FAM120B: variants seen among roughly 807,000 people sequenced by gnomAD.
The protein encoded by FAM120B is family with sequence similarity 120 member B.
In FAM120B, 83 loss-of-function variants were observed where a neutral mutation model predicts 96.3. The ratio of observed to expected loss-of-function variants is 0.86; its 90% confidence interval spans 0.72 to 1.03. FAM120B has a LOEUF of 1.03. Ranked by LOEUF, FAM120B falls within the 50% of genes least tolerant of loss-of-function variation. The pLI, the probability that FAM120B is intolerant of heterozygous loss-of-function variation, is 0.00. For missense variants in FAM120B, 1,027 were observed against 1,121.2 expected (o/e 0.92, Z 1.20); for synonymous variants, 407 against 402.7 (o/e 1.01, Z -0.13).
intron 6 of FAM120B, among the ~76,000 whole-genome samples, chr6:170,373,382 A>C (rs1789311111): frequency 6.6e-6 from 1 of 152,194 alleles, no homozygotes; most frequent in Admixed American, 6.5e-5. Context: ...ACCCTCTGTC[A>C]CGCTGACTTG....
intron 1 of FAM120B, among the ~76,000 whole-genome samples, chr6:170,299,399 G>C (rs1440968519): frequency 6.6e-6 from 1 of 152,190 alleles, no homozygotes; most frequent in Non-Finnish European, 1.5e-5. Flanking sequence ...TGCGCAATGT[G>C]TGTCTTCTCT....
At chr6:170,348,684 A>G (rs1787376777) in intron 5 of FAM120B, among the ~76,000 whole-genome samples, 1 of 152,164 alleles carries the variant, frequency 6.6e-6, no homozygotes, top group African/African-American at 2.4e-5. Context: ...GTTTTAGTGT[A>G]AAGGTGAGAA....
intron 6 of FAM120B, among the ~76,000 whole-genome samples, chr6:170,382,924 A>G (rs1789995683): frequency 6.6e-6 from 1 of 152,232 alleles, no homozygotes; most frequent in African/African-American, 2.4e-5. Flanking sequence ...TAATCAAGAC[A>G]GTATAGTGTT....
chr6:170,366,105 T>G (rs1375129031), intron 6 of FAM120B, among the ~76,000 whole-genome samples: 2 of 152,152 alleles, frequency 1.3e-5, no homozygotes, highest in African/African-American at 4.8e-5. Context: ...ATTCTGTCAT[T>G]CAGTGGCATG....
chr6:170,357,510 G>C (rs1411378990), intron 5 of FAM120B, among the ~76,000 whole-genome samples: 1 of 152,178 alleles, frequency 6.6e-6, no homozygotes, highest in African/African-American at 2.4e-5. Context: ...TGATTCCACA[G>C]AGGATTAGTA....
intron 6 of FAM120B, among the ~76,000 whole-genome samples, chr6:170,382,366 C>CAT (rs1789958068): frequency 6.6e-6 from 1 of 152,080 alleles, no homozygotes; most frequent in Non-Finnish European, 1.5e-5. Context: ...ATCACATCAC[C>CAT]ATACTCCAGC....
At chr6:170,400,764 G>T (rs926401712) in intron 9 of FAM120B, among the ~76,000 whole-genome samples, 1 of 152,134 alleles carries the variant, frequency 6.6e-6, no homozygotes, top group African/African-American at 2.4e-5. Context: ...AGCAATGTCC[G>T]TCCTACCTCA....
chr6:170,331,263 T>A (rs923659519), intron 4 of FAM120B, among the ~76,000 whole-genome samples: 8 of 152,352 alleles, frequency 5.3e-5, no homozygotes, highest in African/African-American at 1.9e-4. Flanking sequence ...TTTTAGTGGC[T>A]CATGTCATTG....
intron 9 of FAM120B, among the ~76,000 whole-genome samples, chr6:170,403,392 A>G (rs1397762577): frequency 6.6e-6 from 1 of 152,138 alleles, no homozygotes; most frequent in African/African-American, 2.4e-5. Flanking sequence ...AAGATATTAA[A>G]GTAGTTCAAG....
At chr6:170,392,165 C>A (rs192297910) in intron 8 of FAM120B, among the ~76,000 whole-genome samples, 1 of 152,252 alleles carries the variant, frequency 6.6e-6, no homozygotes, top group African/African-American at 2.4e-5. Context: ...CAAGAGTTTC[C>A]GTTTCAGGGT....
intron 4 of FAM120B, among the ~76,000 whole-genome samples, chr6:170,340,210 T>A (rs918628130): frequency 2.6e-5 from 4 of 152,222 alleles, no homozygotes; most frequent in Non-Finnish European, 5.9e-5. Context: ...TTTTCTCTAA[T>A]CTTGTCGTCA....
At chr6:170,334,767 A>C (rs1786300495) in intron 4 of FAM120B, among the ~76,000 whole-genome samples, 1 of 152,230 alleles carries the variant, frequency 6.6e-6, no homozygotes, top group African/African-American at 2.4e-5. Context: ...AATTCACATT[A>C]GAGTCACAAG....
chr6:170,298,672 T>TA (rs928917603), intron 1 of FAM120B, among the ~76,000 whole-genome samples: 1 of 152,214 alleles, frequency 6.6e-6, no homozygotes, highest in African/African-American at 2.4e-5. Flanking sequence ...GAATTTTTTT[T>TA]AGGAACCATC....
intron 1 of FAM120B, among the ~76,000 whole-genome samples, chr6:170,312,667 A>C (rs1048804443): frequency 1.3e-5 from 2 of 152,178 alleles, no homozygotes; most frequent in African/African-American, 4.8e-5. Context: ...CTATTCCTAG[A>C]AATTCTAAAG....
chr6:170,397,431 G>T (rs902800837), intron 9 of FAM120B, among the ~76,000 whole-genome samples: 6 of 152,160 alleles, frequency 3.9e-5, no homozygotes, highest in Non-Finnish European at 7.4e-5. Flanking sequence ...AGATTTGGGG[G>T]CAGAGGGGCC....
At chr6:170,352,497 A>C (rs1004948156) in intron 5 of FAM120B, among the ~76,000 whole-genome samples, 2 of 152,234 alleles carry the variant, frequency 1.3e-5, no homozygotes, top group African/African-American at 4.8e-5. Context: ...GCTGCTCGGC[A>C]CTTACTCTAA....
chr6:170,371,977 G>A (rs1789224254), intron 6 of FAM120B, among the ~76,000 whole-genome samples: 1 of 152,130 alleles, frequency 6.6e-6, no homozygotes, highest in Non-Finnish European at 1.5e-5. Context: ...AAGTGAGTCA[G>A]GAAATTGAAA....
At chr6:170,342,696 G>T (rs376785862) in intron 4 of FAM120B, among the ~76,000 whole-genome samples, 2 of 152,198 alleles carry the variant, frequency 1.3e-5, no homozygotes, top group East Asian at 3.9e-4. Context: ...AGGCTGTCCT[G>T]TCCATCTGTT....
In FAM120B at chr6:170,394,718, A is replaced by G. The variant is rs544154597; in HGVS notation, c.2600-769A>G. Among the ~76,000 whole-genome samples the G allele has an allele frequency of 1.4e-4, 21 of 152,240 alleles. 2 individuals carry two copies. The highest frequency in any genetic ancestry group is 2.8e-4 in the Non-Finnish European group (19 of 68,010). On this transcript the variant is annotated intron_variant, in intron 8 of 10. Transcript: ENST00000476287. Reference sequence around the variant, plus strand: ...AAGGCCATGCCTCCGTGGACACCGCAGCATGTCCAGGGAGGACCAGCCTGG... The same window carrying G: ...AAGGCCATGCCTCCGTGGACACCGCGGCATGTCCAGGGAGGACCAGCCTGG...
Sources: allele counts gnomAD v4.1 joint callset (sites outside exome capture counted in the v4.1 genomes callset), GRCh38; gene constraint gnomAD v4.1.1; transcripts MANE v1.5; gene names NCBI Gene and HGNC (gene_info 2026-07-23, HGNC 2026-07-21).